The following VWA3B variants were observed in gnomAD, a reference collection of about 807,000 sequenced individuals.
VWA3B encodes the protein von Willebrand factor A domain containing 3B.
In VWA3B, 138 loss-of-function variants were observed where a neutral mutation model predicts 158.3. The ratio of observed to expected loss-of-function variants is 0.87; its 90% CI spans 0.76 to 1.00. The LOEUF (loss-of-function observed/expected upper bound fraction) is 1.00. VWA3B is among the 50% of genes least tolerant of loss of function. VWA3B has a pLI of 0.00. For synonymous variants in VWA3B, 596 were observed against 587.3 expected (o/e 1.01, Z -0.21); for missense variants, 1,555 against 1,565.1 (o/e 0.99, Z 0.11).
intron 8 of VWA3B, among the ~76,000 whole-genome samples, chr2:98,171,609 C>T (rs1403131379): frequency 6.6e-6 from 1 of 152,010 alleles, no homozygotes; most frequent in South Asian, 2.1e-4. Flanking sequence ...GGGGTTCACC[C>T]TCAATTTCAT....
At chr2:98,303,119 G>A (rs1285795492) in intron 25 of VWA3B, among the ~76,000 whole-genome samples, 3 of 152,186 alleles carry the variant, frequency 2.0e-5, no homozygotes, top group Non-Finnish European at 2.9e-5. Context: ...TTTAAGAGAT[G>A]TCCCCGGGCA....
At chr2:98,225,435 A>C (rs1684843849) in intron 14 of VWA3B, among the ~76,000 whole-genome samples, 1 of 152,208 alleles carries the variant, frequency 6.6e-6, no homozygotes, top group African/African-American at 2.4e-5. Flanking sequence ...AGCAAAATAG[A>C]AATAGAAGAG....
chr2:98,305,830 G>C (rs963681362), intron 26 of VWA3B, among the ~76,000 whole-genome samples: 2 of 152,040 alleles, frequency 1.3e-5, no homozygotes, highest in African/African-American at 4.8e-5. Flanking sequence ...TCACCATAAG[G>C]GCTGAGCAGA....
rs767400988 is a variant in VWA3B, at chr2:98,115,681, G to C, written c.226G>C (p.Ala76Pro). 1 of 1,613,826 alleles carries C rather than the reference G, an allele frequency of 6.2e-7. No homozygotes were observed. Among genetic ancestry groups the C allele is most frequent in the South Asian group, 1.1e-5 (1 of 91,078 alleles). The stretch of plus-strand genomic sequence containing the variant: ...TGTGGCGTCTCTGGGGAGACCTGTG[G>C]CTTCTCGGTATGCTGATGGTCTGTT... The part of the protein sequence containing the change: ...DYVASLGRPV[A>P]SRYADGLFPQ... The change falls in exon 3 of 28, where the codon GCT becomes CCT. Residue 76 changes from alanine (A) to proline (P), a missense_variant. Coordinates refer to ENST00000477737, the MANE Select transcript of VWA3B (RefSeq NM_144992.5).
rs1198125858 is a variant in VWA3B, at chr2:98,255,171, G to A, written c.2793-953G>A. 1.1e-3 allele frequency among the ~76,000 whole-genome samples: 144 copies of A among 125,810 alleles called. 2 individuals carry two copies. In the Middle Eastern group the frequency reaches 0.014, roughly 12 times the overall value. The allele number at this position is 125,810 out of a possible 152,430, so 82.5% of individuals were successfully genotyped here. A position where few individuals can be genotyped will look rare whatever the true frequency, so the allele number is the denominator to read the frequency against. ...TGGGAGTACAGTCGCCCGCCACCACGCCCGGCTGATATTTTTTTTTTTTTT... is the reference window on the plus strand; with the variant it reads ...TGGGAGTACAGTCGCCCGCCACCACACCCGGCTGATATTTTTTTTTTTTTT... On this transcript the variant is annotated intron_variant, in intron 20 of 27. Transcript: ENST00000477737.
At position 98,250,418 on chromosome 2, in the gene VWA3B, C is replaced by A. The variant is rs767489441; in HGVS notation, c.2774C>A (p.Ala925Glu). 2.5e-5 allele frequency: 40 copies of A among 1,609,910 alleles called. No homozygotes were observed. In the South Asian group the frequency reaches 4.3e-4, roughly 17 times the overall value. Residue 925 changes from alanine to glutamate, a missense_variant, in exon 20 of 28, where the codon GCA becomes GAA. By Grantham distance (107) the Ala-to-Glu change is moderately radical (BLOSUM62 -1). Coordinates refer to ENST00000477737, the MANE Select transcript of VWA3B (RefSeq NM_144992.5). The stretch of plus-strand genomic sequence containing the variant: ...ATCTACAAGCGAAAAGTGGAACAGG[C>A]AATTCAATCCTATGAAAAGTGAGTA... ...LNIYKRKVEQ[A>E]IQSYEKRLNK...
chr2:98,113,103 C>T (rs967755817), intron 2 of VWA3B, among the ~76,000 whole-genome samples: 2 of 151,182 alleles, frequency 1.3e-5, no homozygotes, highest in Non-Finnish European at 1.5e-5. Context: ...ATATTGAGGC[C>T]TTTTTCTTCT....
chr2:98,263,696 T>C (rs1687619322), intron 21 of VWA3B, among the ~76,000 whole-genome samples: 1 of 152,068 alleles, frequency 6.6e-6, no homozygotes, highest in African/African-American at 2.4e-5. Flanking sequence ...GGTCTGTAGT[T>C]TCTTTTTCCT....
At chr2:98,253,007 A>T (rs1452825200) in intron 20 of VWA3B, among the ~76,000 whole-genome samples, 1 of 152,190 alleles carries the variant, frequency 6.6e-6, no homozygotes, top group African/African-American at 2.4e-5. Flanking sequence ...ATTATTTGGT[A>T]TCACTAATTT....
intron 13 of VWA3B, among the ~76,000 whole-genome samples, chr2:98,215,834 G>A (rs981115618): frequency 9.9e-5 from 15 of 152,092 alleles, no homozygotes; most frequent in African/African-American, 3.4e-4. Flanking sequence ...AACTCTTGAG[G>A]ACTTCCGAAT....
intron 22 of VWA3B, among the ~76,000 whole-genome samples, chr2:98,278,255 T>C (rs1279482323): frequency 6.6e-6 from 1 of 152,138 alleles, no homozygotes; most frequent in African/African-American, 2.4e-5. Flanking sequence ...GGTGAGTGGG[T>C]GCAGGGGCCA....
chr2:98,128,111 G>T, intron 5 of VWA3B, 128 bp from the exon 6 acceptor site: 1 of 1,153,534 alleles, frequency 8.7e-7, no homozygotes, highest in South Asian at 1.5e-5. Flanking sequence ...GAAAACCCTG[G>T]GCAGGGCTGC....
At position 98,217,941 on chromosome 2, in the gene VWA3B, T is replaced by A. The variant is rs371439922; in HGVS notation, c.1932T>A (p.Phe644Leu). The A allele has an allele frequency of 6.2e-6, 10 of 1,613,606 alleles. No individual in the cohort carries two copies. Among genetic ancestry groups the A allele is most frequent in the Non-Finnish European group, 8.5e-6 (10 of 1,179,864 alleles). Residue 644 changes from phenylalanine (F) to leucine (L), a missense_variant, in exon 14 of 28, where the codon TTT becomes TTA. Physicochemically the swap from Phe to Leu is conservative, Grantham distance 22 (BLOSUM62 0). Transcript: ENST00000477737. ...ACAATGATGAGATTGCAAACAGGTT[T>A]TTGAAAGAGGTTGCTGCTTTGACTG... ...FNYNDEIANR[F>L]LKEVAALTGG...
chr2:98,268,715 G>A (rs1427514657), intron 21 of VWA3B, among the ~76,000 whole-genome samples: 2 of 150,372 alleles, frequency 1.3e-5, no homozygotes, highest in Non-Finnish European at 1.5e-5. Context: ...GTATATTAAG[G>A]AGACTATATA....
intron 8 of VWA3B, among the ~76,000 whole-genome samples, chr2:98,169,779 G>C (rs1679425730): frequency 6.7e-6 from 1 of 149,314 alleles, no homozygotes; most frequent in South Asian, 2.1e-4. Flanking sequence ...GCCTGTTCTG[G>C]GCATGACCCT....
rs1244347340 is a variant in VWA3B at position 98,282,280 on chromosome 2, G to GCCATTGTGC, written c.3046-8231_3046-8230insCCATTGTGC. Among the ~76,000 whole-genome samples, 910 of 152,238 alleles carry GCCATTGTGC rather than the reference G, an allele frequency of 6.0e-3. 5 individuals are homozygous for GCCATTGTGC. The highest frequency in any genetic ancestry group is 0.021 in the African/African-American group (870 of 41,504). On this transcript the variant is annotated intron_variant, in intron 22 of 27. Transcript: ENST00000477737. ...GCCATTGTGCTTCATCTGTGGTATAGTTCAACTGACTGTGCCATGATGCAA... is the reference window on the plus strand; with the variant it reads ...GCCATTGTGCTTCATCTGTGGTATAGCCATTGTGCTTCAACTGACTGTGCCATGATGCAA...
intron 19 of VWA3B, among the ~76,000 whole-genome samples, chr2:98,239,270 T>C (rs1685909608): frequency 6.6e-6 from 1 of 152,208 alleles, no homozygotes. Flanking sequence ...CACAAATTCA[T>C]ATAATGGCAT....
chr2:98,105,506 TG>T (rs1673572528), intron 2 of VWA3B, among the ~76,000 whole-genome samples: 1 of 152,232 alleles, frequency 6.6e-6, no homozygotes, highest in African/African-American at 2.4e-5. Context: ...GATCTTCCTA[TG>T]TTACCCCCTC....
intron 7 of VWA3B, among the ~76,000 whole-genome samples, chr2:98,142,233 T>G (rs1228782097): frequency 6.6e-6 from 1 of 152,168 alleles, no homozygotes; most frequent in Admixed American, 6.5e-5. Context: ...GCTCCCGTGC[T>G]GGGCTGTGGA....
Sources: allele counts gnomAD v4.1 joint callset (sites outside exome capture counted in the v4.1 genomes callset), GRCh38; gene constraint gnomAD v4.1.1; transcripts MANE v1.5; gene names NCBI Gene and HGNC (gene_info 2026-07-23, HGNC 2026-07-21).